Variants in KMO observed in about 807,000 individuals in gnomAD.
The protein encoded by KMO is kynurenine 3-monooxygenase, also known as kynurenine 3-hydroxylase.
Under a neutral mutation model 57.8 loss-of-function variants are expected in KMO, and 24 were observed. That is an observed-to-expected ratio of 0.42 (90% CI 0.30 to 0.58). The LOEUF (loss-of-function observed/expected upper bound fraction) is 0.58. Ranked by LOEUF, KMO falls within the 20% of genes least tolerant of loss-of-function variation. The pLI is 0.22. For missense variants in KMO, 483 were observed against 588.2 expected (o/e 0.82, Z 1.85); for synonymous variants, 210 against 193.6 (o/e 1.08, Z -0.70).
chr1:241,556,813 C>A (rs1661643254), intron 5 of KMO, among the ~76,000 whole-genome samples: 2 of 152,018 alleles, frequency 1.3e-5, no homozygotes, highest in Admixed American at 1.3e-4. Context: ...TGCTTGAACC[C>A]AGGAGGCGGA....
Position 241,589,997 on chromosome 1 carries a change from C to T in KMO, c.1099-15C>T, listed in dbSNP as rs891420065. On this transcript the variant is annotated splice_polypyrimidine_tract_variant and intron_variant, in intron 12 of 14. Coordinates refer to ENST00000366559, the MANE Select transcript of KMO (RefSeq NM_003679.5). ...ATTTGTTCAAAAGCGTTCTTTAAGA[C>T]TGTCATTATTGCAGATGCGAGCACA... 5 of 1,596,040 alleles carry T rather than the reference C, an allele frequency of 3.1e-6. No homozygotes were observed. The South Asian group carries it at 5.5e-5, about 18-fold the overall frequency.
chr1:241,540,306 G>A (rs1044411927), intron 1 of KMO, among the ~76,000 whole-genome samples: 1 of 152,070 alleles, frequency 6.6e-6, no homozygotes, highest in Non-Finnish European at 1.5e-5. Flanking sequence ...CCTGGTGGAA[G>A]TCAGACAAGA....
chr1:241,584,300 T>C (rs923981662), intron 10 of KMO, among the ~76,000 whole-genome samples: 18 of 152,184 alleles, frequency 1.2e-4, no homozygotes, highest in Non-Finnish European at 2.2e-4. Flanking sequence ...CACAATGAGA[T>C]ACCATCTCAC....
chr1:241,569,997 T>C (rs1662218032), intron 10 of KMO, among the ~76,000 whole-genome samples: 1 of 152,060 alleles, frequency 6.6e-6, no homozygotes, highest in African/African-American at 2.4e-5. Flanking sequence ...TTTTATTATT[T>C]TAATAATCAG....
In KMO at chr1:241,594,410, C is replaced by T. The variant is rs185745993; in HGVS notation, c.*2257C>T. ...GCATCCAATTTAAGGCCCCATCTTT[C>T]GTTGCCATTCTTCATTCCTACAAAG... On this transcript the variant is annotated 3_prime_UTR_variant, in exon 15 of 15. Transcript: ENST00000366559. 182 of 1,604,792 alleles carry T rather than the reference C, an allele frequency of 1.1e-4. No individual in the cohort carries two copies. The highest frequency in any genetic ancestry group is 1.5e-4 in the Non-Finnish European group (172 of 1,173,884).
chr1:241,591,917 T>C lies in KMO; in HGVS notation c.1261-36T>C, dbSNP rs1663316359. ...AAGTCTATTTTCAGATTTTAATCTCTGGACAAATGAAATGAGAGTTCTTGC... is the reference window on the plus strand; with the variant it reads ...AAGTCTATTTTCAGATTTTAATCTCCGGACAAATGAAATGAGAGTTCTTGC... On this transcript the variant is annotated intron_variant, in intron 14 of 14. Coordinates refer to ENST00000366559, the MANE Select transcript of KMO (RefSeq NM_003679.5). 3 of 1,548,830 alleles carry C rather than the reference T, an allele frequency of 1.9e-6. No homozygotes were observed. In the African/African-American group the frequency reaches 4.1e-5, roughly 21 times the overall value.
chr1:241,557,995 A>T (rs143780033), intron 5 of KMO, among the ~76,000 whole-genome samples: 1 of 152,280 alleles, frequency 6.6e-6, no homozygotes, highest in African/African-American at 2.4e-5. Context: ...GATTTGCATA[A>T]CCCTTTCAAC....
rs751322306 is a variant in KMO, at chr1:241,586,674, T to G, written c.958-5T>G. On this transcript the variant is annotated splice_polypyrimidine_tract_variant and splice_region_variant and intron_variant, in intron 10 of 14. Coordinates refer to ENST00000366559, the MANE Select transcript of KMO (RefSeq NM_003679.5). The stretch of plus-strand genomic sequence containing the variant: ...TCTTATTTCTCTTTTTTTTTCTTGT[T>G]TCAGGGCTTTGAAGACTGCTTGGTA... 28 of 1,584,762 alleles carry G rather than the reference T, an allele frequency of 1.8e-5. No individual in the cohort carries two copies. The highest frequency in any genetic ancestry group is 1.7e-4 in the Middle Eastern group (1 of 5,942).
At chr1:241,564,046 C>A (rs1005971335) in intron 7 of KMO, among the ~76,000 whole-genome samples, 1 of 152,096 alleles carries the variant, frequency 6.6e-6, no homozygotes, top group African/African-American at 2.4e-5. Context: ...GTACTCATTT[C>A]TGTGTCTGTG....
At chr1:241,534,762 A>T (rs1218390785) in intron 1 of KMO, among the ~76,000 whole-genome samples, 1 of 152,246 alleles carries the variant, frequency 6.6e-6, no homozygotes, top group Non-Finnish European at 1.5e-5. Context: ...CACCACAGCC[A>T]GAAACACCCT....
chr1:241,544,166 C>T (rs1468044852), intron 1 of KMO, among the ~76,000 whole-genome samples: 3 of 152,202 alleles, frequency 2.0e-5, no homozygotes, highest in Non-Finnish European at 4.4e-5. Flanking sequence ...CATTTCCCTA[C>T]ATTAGATTTT....
chr1:241,574,531 G>GT (rs1258447924), intron 10 of KMO, among the ~76,000 whole-genome samples: 17 of 42,166 alleles, frequency 4.0e-4, no homozygotes, highest in Non-Finnish European at 1.4e-3. Context: ...ATGATCATAT[G>GT]GTTTTTTTTT....
At chr1:241,565,122 A>T in intron 8 of KMO, 64 bp downstream of exon 8, 1 of 931,942 alleles carries the variant, frequency 1.1e-6, no homozygotes, top group Non-Finnish European at 1.8e-6. Context: ...TATTACTTAC[A>T]TTTGTACTTA....
chr1:241,536,980 A>G (rs1160114912), intron 1 of KMO, among the ~76,000 whole-genome samples: 3 of 152,132 alleles, frequency 2.0e-5, no homozygotes, highest in African/African-American at 7.2e-5. Context: ...CTTGATGCCA[A>G]ACTGTCCCCA....
chr1:241,548,381 T>A (rs1465054851), intron 1 of KMO, among the ~76,000 whole-genome samples: 3 of 152,158 alleles, frequency 2.0e-5, no homozygotes, highest in African/African-American at 4.8e-5. Flanking sequence ...GAAGTCAGAA[T>A]AATGTTTACG....
At chr1:241,549,934 G>A (rs1661335571) in intron 3 of KMO, 160 bp downstream of exon 3, 2 of 579,096 alleles carry the variant, frequency 3.5e-6, no homozygotes, top group Admixed American at 3.2e-5. Flanking sequence ...TTGGCAAGAG[G>A]GTGAACATTG....
intron 5 of KMO, 45 bp from the exon 6 acceptor site, chr1:241,560,620 G>C (rs142159047): frequency 7.6e-7 from 1 of 1,312,060 alleles, no homozygotes; most frequent in African/African-American, 1.5e-5. Context: ...AGTGAAGTAA[G>C]AATTGAGATT....
chr1:241,589,875 A>G (rs1159509455), intron 12 of KMO, 137 bp from the exon 13 acceptor site: 17 of 699,014 alleles, frequency 2.4e-5, no homozygotes, highest in Non-Finnish European at 3.9e-5. Flanking sequence ...ATTGGGAATG[A>G]CATTATGGAA....
At chr1:241,554,550 A>C (rs1321549363) in intron 4 of KMO, among the ~76,000 whole-genome samples, 2 of 151,998 alleles carry the variant, frequency 1.3e-5, no homozygotes, top group African/African-American at 2.4e-5. Context: ...CTGGGATTAC[A>C]GGGATAAGCC....
Sources: allele counts gnomAD v4.1 joint callset (sites outside exome capture counted in the v4.1 genomes callset), GRCh38; gene constraint gnomAD v4.1.1; transcripts MANE v1.5; gene names NCBI Gene and HGNC (gene_info 2026-07-23, HGNC 2026-07-21).